Variants in SH3TC1 observed in about 807,000 individuals in gnomAD.
The protein encoded by SH3TC1 is SH3 domain and tetratricopeptide repeat-containing protein 1.
SH3TC1 carries 135 observed loss-of-function variants against 117.3 expected under a neutral mutation model. The observed-to-expected ratio is 1.15, with a 90% CI of 1.00 to 1.33. The LOEUF (loss-of-function observed/expected upper bound fraction) is 1.33. Among genes scored for constraint, SH3TC1 ranks in the 40% most tolerant of loss-of-function variants. The pLI is 0.00. For missense variants in SH3TC1, 2,092 were observed against 1,794.3 expected, an observed-to-expected ratio of 1.17 and a Z score of -3.00; for synonymous variants, 898 against 816.9, an observed-to-expected ratio of 1.10 and a Z score of -1.69.
In SH3TC1 at chr4:8,186,917, C is replaced by A. The variant is rs2152973954; in HGVS notation, c.-57+4707C>A. Among the ~76,000 whole-genome samples, 1 of 149,220 alleles carries A rather than the reference C, an allele frequency of 6.7e-6. No homozygotes were observed. Among genetic ancestry groups the A allele is most frequent in the African/African-American group, 2.5e-5 (1 of 39,988 alleles). On this transcript the variant is annotated intron_variant, in intron 1 of 16. Coordinates refer to the SH3TC1 transcript ENST00000508641. This position sits in a 1 kb window ranked among gnomAD's most constrained non-coding sequence, Gnocchi z 5.2. ...CGAGATCATACCACTGCACTCCAGC[C>A]TGGGTGACAGGGCAAGACTACGTCT...
intron 1 of SH3TC1, chr4:8,201,273 G>A (rs1561677286): frequency 6.6e-6 from 1 of 152,196 alleles, no homozygotes; most frequent in African/African-American, 2.4e-5. Flanking sequence ...TAACCCACTC[G>A]ACCCACTTGT....
Position 8,227,950 on chromosome 4 carries a change from C to T in SH3TC1, c.2256C>T (p.Leu752=). 2 of 1,612,384 alleles carry T rather than the reference C, an allele frequency of 1.2e-6. No individual in the cohort carries two copies. The highest frequency in any genetic ancestry group is 1.7e-6 in the Non-Finnish European group (2 of 1,179,792). The change falls in exon 12 of 18, where the codon CTC becomes CTT. Residue 752 remains leucine, a synonymous_variant. Transcript: ENST00000245105. ...CGCTGAGGAGTGTGAACCTGGTGCT[C>T]CAGAACGCCCCCCAGCCCCACAGCC... ...AGSLRSVNLV[L]QNAPQPHSLP... is the part of the protein sequence containing the mutation.
intron 5 of SH3TC1, among the ~76,000 whole-genome samples, chr4:8,215,612 C>G (rs573081686): frequency 2.6e-5 from 4 of 152,282 alleles, no homozygotes; most frequent in African/African-American, 9.6e-5. Context: ...ACACGTGCAC[C>G]GAGCCTCCTA....
At chr4:8,224,800 C>T (rs528559958) in intron 10 of SH3TC1, among the ~76,000 whole-genome samples, 220 of 152,270 alleles carry the variant, frequency 1.4e-3, no homozygotes, top group Non-Finnish European at 2.5e-3. Context: ...TGATGGAAGC[C>T]GAGAGCGTGC....
In SH3TC1 at chr4:8,216,111, G is replaced by T; in HGVS notation, c.482G>T (p.Gly161Val). ...IWKFSTYHALGFTHHCLANLL... is the reference protein window; with the variant it reads ...IWKFSTYHALVFTHHCLANLL... The stretch of plus-strand genomic sequence containing the variant: ...GGGTGACTGGGCCTGGCCTCCACAG[G>T]CTTCACTCATCACTGCCTGGCAAAC... Residue 161 changes from glycine to valine, a missense_variant and splice_region_variant, in exon 6 of 18, where the codon GGC becomes GTC. By Grantham distance (109) the Gly-to-Val change is moderately radical (BLOSUM62 -3). Coordinates refer to ENST00000245105, the MANE Select transcript of SH3TC1 (RefSeq NM_018986.5). 1.2e-6 allele frequency: 2 copies of T among 1,612,910 alleles called. No homozygotes were observed. Among genetic ancestry groups the T allele is most frequent in the East Asian group, 2.2e-5 (1 of 44,878 alleles).
At chr4:8,229,433 TGGGGGTGAGTGAGCA>T (rs1228372556) in intron 12 of SH3TC1, among the ~76,000 whole-genome samples, 3 of 84,902 alleles carry the variant, frequency 3.5e-5, no homozygotes, top group Non-Finnish European at 4.6e-5. Context: ...GGGGGTGTGA[TGGGGGTGAGTGAGCA>T]GGGGGTGAGT....
In SH3TC1 at chr4:8,206,832, C is replaced by CGTGTGTGTGT. The variant is rs58753240; in HGVS notation, c.172+1494_172+1503dup. On this transcript the variant is annotated intron_variant, in intron 2 of 17. Transcript: ENST00000245105. The surrounding 1 kb of genome is among the most constrained non-coding windows in gnomAD (Gnocchi z 5.5). ...AGGACTTTTACTTTGTGTGTGTACT[C>CGTGTGTGTGT]GTGTGTGTGTGTGTGTGTGTGTGTG... 6.0e-3 allele frequency among the ~76,000 whole-genome samples: 866 copies of CGTGTGTGTGT among 144,742 alleles called. 15 individuals carry two copies. The highest frequency in any genetic ancestry group is 0.021 in the African/African-American group (822 of 39,286). The allele number at this position is 144,742 out of a possible 152,430, so 95.0% of individuals were successfully genotyped here.
At position 8,205,115 on chromosome 4, in the gene SH3TC1, G is replaced by A. The variant is rs903323305; in HGVS notation, c.-28-52G>A. ...GACCCCAGGCCTGGACACAACCTCCGTGCTGGTTCTGGAGGGGCCACCTCT... is the reference window on the plus strand; with the variant it reads ...GACCCCAGGCCTGGACACAACCTCCATGCTGGTTCTGGAGGGGCCACCTCT... On this transcript the variant is annotated intron_variant, in intron 1 of 17. Transcript: ENST00000245105. This position sits in a 1 kb window ranked among gnomAD's most constrained non-coding sequence, Gnocchi z 5.4. The A allele has an allele frequency of 6.2e-5, 86 of 1,397,522 alleles. No homozygotes were observed. The highest frequency in any genetic ancestry group is 7.8e-5 in the Non-Finnish European group (82 of 1,057,246). 86.6% of individuals were successfully genotyped at this position (1,397,522 alleles called of 1,614,324 possible).
intron 3 of SH3TC1, 100 bp from the exon 4 acceptor site, chr4:8,212,601 G>T (rs143052092): frequency 2.0e-6 from 3 of 1,535,328 alleles, no homozygotes; most frequent in African/African-American, 1.4e-5. Context: ...GGCCTTCGGG[G>T]TCAGGTGTGT....
intron 9 of SH3TC1, among the ~76,000 whole-genome samples, chr4:8,221,189 T>A (rs1719890185): frequency 6.6e-6 from 1 of 152,176 alleles, no homozygotes; most frequent in Non-Finnish European, 1.5e-5. Flanking sequence ...GACCACAAAT[T>A]CTCAACAGGT....
rs1283685927 is a variant in SH3TC1, at chr4:8,209,304, G to T, written c.173-444G>T. Among the ~76,000 whole-genome samples, 2 of 152,222 alleles carry T rather than the reference G, an allele frequency of 1.3e-5. No homozygotes were observed. Among genetic ancestry groups the T allele is most frequent in the Non-Finnish European group, 2.9e-5 (2 of 68,048 alleles). On this transcript the variant is annotated intron_variant, in intron 2 of 17. Transcript: ENST00000245105. This position sits in a 1 kb window ranked among gnomAD's most constrained non-coding sequence, Gnocchi z 5.9. ...TGGAATCACAGGGCTTTTGTAGGAG[G>T]AAGGCAGGAGGGAGAGGCAGAAAAG...
In SH3TC1 at chr4:8,227,492, G is replaced by T; in HGVS notation, c.1798G>T (p.Val600Leu). 1 of 1,559,886 alleles carries T rather than the reference G, an allele frequency of 6.4e-7. No homozygotes were observed. The highest frequency in any genetic ancestry group is 1.2e-5 in the South Asian group (1 of 80,972). ...LEGSFGDLFL[V>L]VAVYANLASI... ...GGGCAGCTTCGGGGACCTGTTCCTA[G>T]TGGTGGCTGTGTACGCCAACCTGGC... The change falls in exon 12 of 18, where the codon GTG becomes TTG. Residue 600 changes from valine to leucine, a missense_variant. Val to Leu is a conservative substitution (Grantham distance 32). Transcript: ENST00000245105.
rs373533346 is a variant in SH3TC1, at chr4:8,209,676, G to A, written c.173-72G>A. On this transcript the variant is annotated intron_variant, in intron 2 of 17. Transcript: ENST00000245105. This position sits in a 1 kb window ranked among gnomAD's most constrained non-coding sequence, Gnocchi z 5.9. ...CTCTTTTCTTGCAGAGAGACCTGGA[G>A]CGTTTGGCGCCTTCAGAGGAGCCAG... 1.9e-6 allele frequency: 3 copies of A among 1,598,390 alleles called. No homozygotes were observed. The African/African-American group carries it at 4.0e-5, about 21-fold the overall frequency.
Position 8,232,106 on chromosome 4 carries a change from G to T in SH3TC1, c.3081G>T (p.Gly1027=), listed in dbSNP as rs574441225. 7.8e-5 allele frequency: 126 copies of T among 1,607,856 alleles called. 2 individuals are homozygous for T. In the South Asian group the frequency reaches 1.3e-3, roughly 17 times the overall value. The change falls in exon 13 of 18, where the codon GGG becomes GGT. Residue 1027 remains glycine, a synonymous_variant. Transcript: ENST00000245105. ...ACKVADKVLE[G]QLLETISQLY... ...AGGTGGCCGACAAGGTGCTGGAGGG[G>T]CAGCTCCTGGAGACCATCAGCCAGC...
intron 1 of SH3TC1, among the ~76,000 whole-genome samples, chr4:8,194,124 G>A (rs1356283879): frequency 2.0e-5 from 3 of 152,180 alleles, no homozygotes; most frequent in Admixed American, 6.5e-5. Flanking sequence ...GTGTGCCTCC[G>A]AGGCTCTGGC....
Position 8,228,296 on chromosome 4 carries a change from ATGG to A in SH3TC1, c.2606_2608del (p.Val869del). 6.2e-7 allele frequency: 1 copy of A among 1,612,310 alleles called. No homozygotes were observed. The highest frequency in any genetic ancestry group is 1.3e-5 in the African/African-American group (1 of 75,064). On this transcript the variant is annotated inframe_deletion, in exon 12 of 18. Transcript: ENST00000245105. ...GGACCAGGAGGGCGTGATTGCCAACATGGTGGCCGTGGCTCTGAAGAGGACGGG... is the reference window on the plus strand; with the variant it reads ...GGACCAGGAGGGCGTGATTGCCAACATGGCCGTGGCTCTGAAGAGGACGGG...
At chr4:8,199,994 CG>C in intron 1 of SH3TC1, among the ~76,000 whole-genome samples, 1 of 152,294 alleles carries the variant, frequency 6.6e-6, no homozygotes, top group East Asian at 1.9e-4. Context: ...GCAGGTGTGC[CG>C]GGGCGTGTGC....
rs368968426 is a variant in SH3TC1, at chr4:8,205,186, C to G, written c.-9C>G. The G allele has an allele frequency of 6.6e-7, 1 of 1,516,550 alleles. No homozygotes were observed. Among genetic ancestry groups the G allele is most frequent in the Non-Finnish European group, 8.8e-7 (1 of 1,132,650 alleles). The allele number at this position is 1,516,550 out of a possible 1,614,324, so 93.9% of individuals were successfully genotyped here. A position where few individuals can be genotyped will look rare whatever the true frequency, so the allele number is the denominator to read the frequency against. On this transcript the variant is annotated 5_prime_UTR_variant, in exon 2 of 18. Coordinates refer to ENST00000245105, the MANE Select transcript of SH3TC1 (RefSeq NM_018986.5). The surrounding 1 kb of genome is among the most constrained non-coding windows in gnomAD (Gnocchi z 5.4). ...CCACAGGGCCAGGCATGTGAGGTCT[C>G]TGCGGGTCATGGAGAACCTCCCTGC...
Position 8,209,490 on chromosome 4 carries a change from AGC to A in SH3TC1, c.173-256_173-255del, listed in dbSNP as rs2152981634. Among the ~76,000 whole-genome samples, 1 of 152,216 alleles carries A rather than the reference AGC, an allele frequency of 6.6e-6. No homozygotes were observed. Among genetic ancestry groups the A allele is most frequent in the East Asian group, 1.9e-4 (1 of 5,178 alleles). Reference sequence around the variant, plus strand: ...TCTGTGAGGCCCATTGGAACTTGAGAGCGGCGGGATCATACGAGTCGTGTGGT... The same window carrying A: ...TCTGTGAGGCCCATTGGAACTTGAGAGGCGGGATCATACGAGTCGTGTGGT... On this transcript the variant is annotated intron_variant, in intron 2 of 17. Transcript: ENST00000245105. The surrounding 1 kb of genome is among the most constrained non-coding windows in gnomAD (Gnocchi z 5.9).
Sources: gnomAD v4.1 joint callset for allele counts (sites outside exome capture counted in the v4.1 genomes callset) on GRCh38, gnomAD v4.1.1 for gene constraint, Gnocchi (gnomAD v3.1) non-coding constraint, MANE v1.5 for transcripts, NCBI Gene and HGNC (gene_info 2026-07-23, HGNC 2026-07-21) for gene names.